KRT80: variants seen among roughly 807,000 people sequenced by gnomAD.
KRT80 encodes keratin 80.
A neutral mutation model predicts 51.5 loss-of-function variants in KRT80; 36 were observed. The observed-to-expected ratio is 0.70, with a 90% CI of 0.54 to 0.92. The LOEUF (loss-of-function observed/expected upper bound fraction) is 0.92, where lower values mean the gene tolerates loss of function less well. KRT80 is among the 40% of genes least tolerant of loss of function. The pLI is 0.00. For missense variants in KRT80, 566 were observed against 591.7 expected (o/e 0.96, Z 0.45); for synonymous variants, 235 against 248.3 (o/e 0.95, Z 0.50).
chr12:52,173,009 G>T (rs375879657), intron 6 of KRT80, 29 bp downstream of exon 6: 1 of 1,588,050 alleles, frequency 6.3e-7, no homozygotes, highest in Non-Finnish European at 8.6e-7. Context: ...TCTCCTCCCC[G>T]CCCCCAGGCG....
Position 52,173,081 on chromosome 12 carries a change from C to A in KRT80, c.914G>T (p.Arg305Leu), listed in dbSNP as rs765159323. The change falls in exon 6 of 9, where the codon CGC becomes CTC. Residue 305 changes from arginine to leucine, a missense_variant. Coordinates refer to ENST00000394815, the MANE Select transcript of KRT80 (RefSeq NM_182507.3). Reference protein sequence around the residue: ...SRSEIADLNVRIQKLRSQILS... With the variant: ...SRSEIADLNVLIQKLRSQILS... The stretch of plus-strand genomic sequence containing the variant: ...GATCTGGGACCGCAGCTTCTGGATG[C>A]GCACATTGAGATCCGCGATCTCGCT... 1.2e-6 allele frequency: 2 copies of A among 1,613,362 alleles called. No individual in the cohort carries two copies. Among genetic ancestry groups the A allele is most frequent in the Non-Finnish European group, 1.7e-6 (2 of 1,179,504 alleles).
At chr12:52,191,440 C>T (rs1016268855) in intron 1 of KRT80, among the ~76,000 whole-genome samples, 163 bp downstream of exon 1, 1 of 152,224 alleles carries the variant, frequency 6.6e-6, no homozygotes, top group South Asian at 2.1e-4. Flanking sequence ...CTTCCCTCCC[C>T]CAGCCTCTGC....
Position 52,171,720 on chromosome 12 carries a change from G to C in KRT80, c.1179-7C>G. On this transcript the variant is annotated splice_polypyrimidine_tract_variant and splice_region_variant and intron_variant, in intron 7 of 8. Transcript: ENST00000394815. ...GGCTGAGGGCGAGTCCATCCTGGGG[G>C]TGGGGGACGGGGGGGTGGGAGAGGG... 6.6e-7 allele frequency: 1 copy of C among 1,516,362 alleles called. No homozygotes were observed. The highest frequency in any genetic ancestry group is 9.0e-7 in the Non-Finnish European group (1 of 1,113,520). 93.9% of individuals were successfully genotyped at this position (1,516,362 alleles called of 1,614,324 possible).
intron 1 of KRT80, chr12:52,185,857 G>C: frequency 1.8e-6 from 1 of 556,660 alleles, no homozygotes; most frequent in Non-Finnish European, 3.1e-6. Context: ...GAGGAAGGGG[G>C]TAAGAGGGTG....
At position 52,191,872 on chromosome 12, in the gene KRT80, T is replaced by C. The variant is rs1420673660; in HGVS notation, c.31A>G (p.Ser11Gly). Residue 11 changes from serine (S) to glycine (G), a missense_variant, in exon 1 of 9, where the codon AGC becomes GGC. By Grantham distance (56) the Ser-to-Gly change is moderately conservative. Coordinates refer to ENST00000394815, the MANE Select transcript of KRT80 (RefSeq NM_182507.3). MACRSCVVGF[S>G]SLSSCEVTPV... is the part of the protein sequence containing the mutation. ...GTCACCTCACAGCTGCTGAGGCTGCTGAAGCCAACCACGCAGGAGCGGCAG... is the reference window on the plus strand; with the variant it reads ...GTCACCTCACAGCTGCTGAGGCTGCCGAAGCCAACCACGCAGGAGCGGCAG... 3 of 1,515,444 alleles carry C rather than the reference T, an allele frequency of 2.0e-6. No individual in the cohort carries two copies. In the Admixed American group the frequency reaches 6.4e-5, roughly 32 times the overall value. 93.9% of individuals were successfully genotyped at this position (1,515,444 alleles called of 1,614,324 possible).
Position 52,173,079 on chromosome 12 carries a change from T to G in KRT80, c.916A>C (p.Ile306Leu). 1 of 1,613,302 alleles carries G rather than the reference T, an allele frequency of 6.2e-7. No homozygotes were observed. Reference sequence around the variant, plus strand: ...AGGATCTGGGACCGCAGCTTCTGGATGCGCACATTGAGATCCGCGATCTCG... The same window carrying G: ...AGGATCTGGGACCGCAGCTTCTGGAGGCGCACATTGAGATCCGCGATCTCG... Reference protein sequence around the residue: ...RSEIADLNVRIQKLRSQILSV... With the variant: ...RSEIADLNVRLQKLRSQILSV... Residue 306 changes from isoleucine to leucine, a missense_variant, in exon 6 of 9, where the codon ATC (isoleucine) becomes CTC (leucine). Coordinates refer to ENST00000394815, the MANE Select transcript of KRT80 (RefSeq NM_182507.3).
chr12:52,172,410 T>G lies in KRT80; in HGVS notation c.966A>C (p.Lys322Asn). 6.2e-7 allele frequency: 1 copy of G among 1,611,772 alleles called. No homozygotes were observed. Among genetic ancestry groups the G allele is most frequent in the Non-Finnish European group, 8.5e-7 (1 of 1,178,196 alleles). The change falls in exon 7 of 9, where the codon AAA (lysine) becomes AAC (asparagine). Residue 322 changes from lysine (K) to asparagine (N), a missense_variant. Transcript: ENST00000394815. ...QILSVKSHCL[K>N]LEENIKTAEE... is the part of the protein sequence containing the mutation. Reference sequence around the variant, plus strand: ...CAGCTGTCTTGATGTTCTCCTCCAGTTTCAGGCACTGCAGCCAGGAGGACA... The same window carrying G: ...CAGCTGTCTTGATGTTCTCCTCCAGGTTCAGGCACTGCAGCCAGGAGGACA...
intron 2 of KRT80, among the ~76,000 whole-genome samples, chr12:52,182,135 G>T (rs1278500939): frequency 6.6e-6 from 1 of 152,200 alleles, no homozygotes; most frequent in Non-Finnish European, 1.5e-5. Context: ...CACTGCCTTG[G>T]CTGCCAAGAG....
At chr12:52,183,901 C>A (rs932433048) in intron 2 of KRT80, among the ~76,000 whole-genome samples, 7 of 152,246 alleles carry the variant, frequency 4.6e-5, no homozygotes, top group African/African-American at 1.2e-4. Flanking sequence ...ATTCTCTGAG[C>A]CTTTGAGGGC....
intron 1 of KRT80, among the ~76,000 whole-genome samples, chr12:52,187,610 G>A (rs942995000): frequency 6.6e-6 from 1 of 152,198 alleles, no homozygotes; most frequent in Non-Finnish European, 1.5e-5. Flanking sequence ...GGCGTTTGAC[G>A]GTATTTGCGG....
At chr12:52,189,221 A>C (rs548835789) in intron 1 of KRT80, among the ~76,000 whole-genome samples, 1 of 151,556 alleles carries the variant, frequency 6.6e-6, no homozygotes, top group East Asian at 2.0e-4. Flanking sequence ...CTGGGTCCAT[A>C]ATTGCTCAAC....
chr12:52,173,648 G>T lies in KRT80; in HGVS notation c.783C>A (p.Ala261=), dbSNP rs767949667. ...CCTCCTCCAGGCTGCGAGCCGCGAC[G>T]GCGTCATACTGGGCCTTCACCTCCT... is the stretch of plus-strand genomic sequence containing the variant. The part of the protein sequence containing the change: ...IVEEVKAQYD[A]VAARSLEEAE... Residue 261 remains alanine (A), a synonymous_variant, in exon 5 of 9, where the codon GCC becomes GCA. Coordinates refer to ENST00000394815, the MANE Select transcript of KRT80 (RefSeq NM_182507.3). The T allele has an allele frequency of 6.2e-7, 1 of 1,613,104 alleles. No homozygotes were observed. The highest frequency in any genetic ancestry group is 2.2e-5 in the East Asian group (1 of 44,882).
Position 52,180,936 on chromosome 12 carries a change from T to C in KRT80, c.537A>G (p.Thr179=), listed in dbSNP as rs1941310401. Reference sequence around the variant, plus strand: ...GCTGAACAAAGGTGAACTCCATGTCTGTGCGCTTGGAGATCTCATCCTCAT... The same window carrying C: ...GCTGAACAAAGGTGAACTCCATGTCCGTGCGCTTGGAGATCTCATCCTCAT... ...IRYEDEISKR[T]DMEFTFVQLK... is the part of the protein sequence containing the mutation. Residue 179 remains threonine, a synonymous_variant, in exon 3 of 9, where the codon ACA becomes ACG. Transcript: ENST00000394815. 2 of 1,545,410 alleles carry C rather than the reference T, an allele frequency of 1.3e-6. No individual in the cohort carries two copies. The highest frequency in any genetic ancestry group is 1.7e-6 in the Non-Finnish European group (2 of 1,148,810).
intron 2 of KRT80, among the ~76,000 whole-genome samples, chr12:52,181,880 T>C (rs1941326940): frequency 6.6e-6 from 1 of 152,210 alleles, no homozygotes; most frequent in African/African-American, 2.4e-5. Context: ...GCTTCTGTTT[T>C]TTTCCCTCCT....
At chr12:52,190,384 G>A (rs56100115) in intron 1 of KRT80, among the ~76,000 whole-genome samples, 24,251 of 152,262 alleles carry the variant, frequency 0.16, 2,290 homozygotes, top group South Asian at 0.24. Context: ...ACTGCAGGGT[G>A]GCAGTGTGGC....
Position 52,189,554 on chromosome 12 carries a change from C to T in KRT80, c.300+2049G>A, listed in dbSNP as rs28472793. ...CAGTAGTGGACCGGGATTTAAACCC[C>T]ACAATGCTGCTCCAGATTTCACATC... On this transcript the variant is annotated intron_variant, in intron 1 of 8. Coordinates refer to ENST00000394815, the MANE Select transcript of KRT80 (RefSeq NM_182507.3). 4.7e-3 allele frequency among the ~76,000 whole-genome samples: 718 copies of T among 152,364 alleles called. 5 individuals carry two copies. The highest frequency in any genetic ancestry group is 0.017 in the African/African-American group (689 of 41,590).
chr12:52,180,404 G>T, intron 4 of KRT80, 109 bp downstream of exon 4: 1 of 636,384 alleles, frequency 1.6e-6, no homozygotes, highest in South Asian at 5.1e-5. Flanking sequence ...AATTGTAAGT[G>T]ACTGTTGGAG....
intron 6 of KRT80, 58 bp from the exon 7 acceptor site, chr12:52,172,476 A>G: frequency 6.7e-7 from 1 of 1,495,352 alleles, no homozygotes; most frequent in Non-Finnish European, 9.1e-7. Flanking sequence ...GGAGCGGGCC[A>G]GGGCCAGGAG....
chr12:52,190,716 C>A (rs1169690859), intron 1 of KRT80, among the ~76,000 whole-genome samples: 5 of 152,208 alleles, frequency 3.3e-5, no homozygotes, highest in Non-Finnish European at 7.3e-5. Context: ...CAGTGCCTGG[C>A]ACATAGTAAG....
Sources: gnomAD v4.1 joint callset for allele counts (sites outside exome capture counted in the v4.1 genomes callset) on GRCh38, gnomAD v4.1.1 for gene constraint, MANE v1.5 for transcripts, NCBI Gene and HGNC (gene_info 2026-07-23, HGNC 2026-07-21) for gene names.